Variants in PAK1 observed in about 807,000 individuals in gnomAD.
PAK1 encodes serine/threonine-protein kinase PAK 1.
PAK1 carries 29 observed loss-of-function variants against 67.4 expected under a neutral mutation model. That is an observed-to-expected ratio of 0.43 (90% CI 0.32 to 0.59). The LOEUF (loss-of-function observed/expected upper bound fraction) is 0.59. Among genes scored for constraint, PAK1 ranks in the 20% least tolerant of loss-of-function variants. The probability of loss-of-function intolerance (pLI) is 0.07; values close to 1 mark genes in which losing one functional copy is unlikely to be tolerated. For synonymous variants in PAK1, 223 were observed against 237.4 expected (o/e 0.94, Z 0.56); for missense variants, 337 against 670.7 (o/e 0.50, Z 5.50).
intron 12 of PAK1, among the ~76,000 whole-genome samples, chr11:77,336,743 T>A (rs1411623656): frequency 6.6e-6 from 1 of 152,160 alleles, no homozygotes; most frequent in East Asian, 1.9e-4. Flanking sequence ...CTGCTAGCAG[T>A]CCTTCCATAA....
intron 1 of PAK1, among the ~76,000 whole-genome samples, chr11:77,454,520 C>CTT (rs113724691): frequency 1.3e-5 from 2 of 149,140 alleles, no homozygotes; most frequent in African/African-American, 4.9e-5. Flanking sequence ...AGAGCCCAGA[C>CTT]TTTTTTTTTT....
At chr11:77,357,591 G>A (rs1460856693) in intron 6 of PAK1, among the ~76,000 whole-genome samples, 4 of 152,072 alleles carry the variant, frequency 2.6e-5, no homozygotes, top group African/African-American at 7.2e-5. Flanking sequence ...ATACCACTGT[G>A]CTATGGTGGA....
At chr11:77,367,383 A>G (rs941736606) in intron 5 of PAK1, among the ~76,000 whole-genome samples, 3 of 152,212 alleles carry the variant, frequency 2.0e-5, no homozygotes, top group Non-Finnish European at 4.4e-5. Flanking sequence ...AAAGTGTGAA[A>G]CCAAAACAAA....
the PAK1 span, among the ~76,000 whole-genome samples, chr11:77,514,299 G>A: frequency 6.6e-6 from 1 of 152,070 alleles, no homozygotes; most frequent in Non-Finnish European, 1.5e-5. Context: ...TTCAAGACCA[G>A]CCTGGCCAAC....
intron 5 of PAK1, among the ~76,000 whole-genome samples, chr11:77,373,167 C>T (rs1393832684): frequency 6.6e-6 from 1 of 152,130 alleles, no homozygotes; most frequent in Non-Finnish European, 1.5e-5. Context: ...ATAGGATAAA[C>T]TAGGGCTTTT....
intron 5 of PAK1, among the ~76,000 whole-genome samples, chr11:77,360,547 G>C (rs1946640374): frequency 6.6e-6 from 1 of 152,142 alleles, no homozygotes; most frequent in Admixed American, 6.5e-5. Flanking sequence ...GACTCAGCAA[G>C]GCTCTTCATC....
chr11:77,366,958 T>C (rs776416098), intron 5 of PAK1, among the ~76,000 whole-genome samples: 1 of 152,276 alleles, frequency 6.6e-6, no homozygotes. Flanking sequence ...CATCAACTGA[T>C]GAGAAGATAA....
At chr11:77,512,848 C>T in the PAK1 span, among the ~76,000 whole-genome samples, 1 of 151,996 alleles carries the variant, frequency 6.6e-6, no homozygotes, top group Non-Finnish European at 1.5e-5. Context: ...AATCTCAGCA[C>T]TTTGGGAGGC....
At chr11:77,524,719 G>T in the PAK1 span, among the ~76,000 whole-genome samples, 19 of 152,184 alleles carry the variant, frequency 1.2e-4, no homozygotes, top group African/African-American at 4.3e-4. Context: ...TTGAAAGAAT[G>T]AATGAATGAA....
chr11:77,386,094 A>G (rs1565648445), intron 2 of PAK1, among the ~76,000 whole-genome samples: 1 of 152,208 alleles, frequency 6.6e-6, no homozygotes, highest in Non-Finnish European at 1.5e-5. Flanking sequence ...CACCCATCCC[A>G]ACTTTAACCC....
At chr11:77,434,351 G>C (rs1956009711) in intron 1 of PAK1, among the ~76,000 whole-genome samples, 1 of 151,308 alleles carries the variant, frequency 6.6e-6, no homozygotes. Context: ...ATATTTTTCA[G>C]CAAAAAAATA....
At chr11:77,527,250 G>A in the PAK1 span, among the ~76,000 whole-genome samples, 1 of 151,922 alleles carries the variant, frequency 6.6e-6, no homozygotes, top group South Asian at 2.1e-4. Context: ...TGACAGGTGT[G>A]CACCATCACA....
intron 6 of PAK1, 178 bp from the exon 7 acceptor site, chr11:77,356,020 G>C: frequency 1.8e-6 from 1 of 549,090 alleles, no homozygotes; most frequent in South Asian, 2.5e-5. Flanking sequence ...GGGTAAAATG[G>C]CCTTCCTTAC....
At chr11:77,419,312 T>C (rs1171224571) in intron 1 of PAK1, among the ~76,000 whole-genome samples, 1 of 152,234 alleles carries the variant, frequency 6.6e-6, no homozygotes, top group African/African-American at 2.4e-5. Flanking sequence ...GCAGTTAACA[T>C]GTTTTAAGTG....
At position 77,453,528 on chromosome 11, in the gene PAK1, A is replaced by C. The variant is rs1318177033; in HGVS notation, c.-22+20024T>G. On this transcript the variant is annotated intron_variant, in intron 1 of 14. Coordinates refer to ENST00000356341, the MANE Select transcript of PAK1 (RefSeq NM_002576.5). Reference sequence around the variant, plus strand: ...ATGTGAGATATATTAAAAAAAAAAAAAACAAGGGGGAAAAGGGCATGGTAT... The same window carrying C: ...ATGTGAGATATATTAAAAAAAAAAACAACAAGGGGGAAAAGGGCATGGTAT... Among the ~76,000 whole-genome samples, 5 of 152,020 alleles carry C rather than the reference A, an allele frequency of 3.3e-5. 1 individual carries two copies. Among genetic ancestry groups the C allele is most frequent in the Admixed American group, 1.3e-4 (2 of 15,274 alleles).
chr11:77,449,381 T>C (rs753114264), intron 1 of PAK1, among the ~76,000 whole-genome samples: 4 of 152,160 alleles, frequency 2.6e-5, no homozygotes, highest in Non-Finnish European at 5.9e-5. Context: ...GCATCAACTA[T>C]CTGTTCTCAT....
chr11:77,388,912 T>C (rs145593597), intron 2 of PAK1, among the ~76,000 whole-genome samples: 298 of 152,316 alleles, frequency 2.0e-3, no homozygotes, highest in Non-Finnish European at 3.5e-3. Flanking sequence ...TTTTTAAAAA[T>C]CAGCTTTATT....
At chr11:77,498,089 C>A in the PAK1 span, among the ~76,000 whole-genome samples, 58 of 152,032 alleles carry the variant, frequency 3.8e-4, no homozygotes, top group Admixed American at 2.1e-3. Context: ...ATTCTGGAAA[C>A]GTAGAACAGA....
At chr11:77,353,720 G>A in intron 7 of PAK1, 121 bp from the exon 8 acceptor site, 1 of 748,278 alleles carries the variant, frequency 1.3e-6, no homozygotes. Flanking sequence ...TAGCCAAAAA[G>A]CATGCTAAAC....
Sources: allele counts gnomAD v4.1 joint callset (sites outside exome capture counted in the v4.1 genomes callset), GRCh38; gene constraint gnomAD v4.1.1; transcripts MANE v1.5; gene names NCBI Gene and HGNC (gene_info 2026-07-23, HGNC 2026-07-21).